Variants in ABCC9 observed in about 807,000 individuals in gnomAD.
The protein encoded by ABCC9 is ATP-binding cassette sub-family C member 9.
ABCC9 carries 95 observed loss-of-function variants against 188.3 expected under a neutral mutation model. The ratio of observed to expected loss-of-function variants is 0.50; its 90% CI spans 0.43 to 0.60. The LOEUF (loss-of-function observed/expected upper bound fraction) is 0.60. ABCC9 is among the 20% of genes least tolerant of loss of function. ABCC9 has a pLI of 0.00. For missense variants in ABCC9, 1,102 were observed against 1,876.3 expected (o/e 0.59, Z 7.62); for synonymous variants, 659 against 652.7 (o/e 1.01, Z -0.15).
chr12:21,911,352 A>T (rs1471276561), intron 8 of ABCC9, among the ~76,000 whole-genome samples: 1 of 151,988 alleles, frequency 6.6e-6, no homozygotes, highest in Non-Finnish European at 1.5e-5. Flanking sequence ...TGGAAGACAT[A>T]TACAATTTTG....
chr12:21,886,446 C>CT (rs1181313320), intron 15 of ABCC9, among the ~76,000 whole-genome samples: 6 of 151,990 alleles, frequency 3.9e-5, no homozygotes, highest in African/African-American at 9.7e-5. Context: ...ATTTGATCTC[C>CT]TTTTTTCACA....
rs773157891 is a variant in ABCC9 at position 21,806,076 on chromosome 12, AGT to A, written c.4450-18_4450-17del. 1.3e-5 allele frequency: 21 copies of A among 1,588,784 alleles called. No homozygotes were observed. The highest frequency in any genetic ancestry group is 2.2e-5 in the South Asian group (2 of 90,554). ...AAATATTCTCCTGCAAAAAAAAAAA[AGT>A]GTAAATTTTCTCGGGATTACTTTGT... On this transcript the variant is annotated splice_polypyrimidine_tract_variant and intron_variant, in intron 38 of 39. Coordinates refer to ENST00000261200, the MANE Select transcript of ABCC9 (RefSeq NM_020297.4).
chr12:21,921,006 A>T (rs959797515), intron 5 of ABCC9, among the ~76,000 whole-genome samples: 44 of 152,010 alleles, frequency 2.9e-4, no homozygotes, highest in Admixed American at 2.8e-3. Context: ...AATCTTAGCT[A>T]TTGTGAACAG....
intron 2 of ABCC9, chr12:21,937,903 C>G (rs1168050026): frequency 6.6e-6 from 1 of 152,168 alleles, no homozygotes; most frequent in Non-Finnish European, 1.5e-5. Flanking sequence ...TTCTTTAAAA[C>G]AAGTAGCAGT....
intron 39 of ABCC9, chr12:21,805,064 C>G: frequency 6.6e-7 from 1 of 1,516,932 alleles, no homozygotes; most frequent in Non-Finnish European, 9.1e-7. Flanking sequence ...AGTTAGTTCC[C>G]TCATCTCAGC....
intron 13 of ABCC9, 106 bp downstream of exon 13, chr12:21,895,169 T>C: frequency 1.0e-6 from 1 of 977,802 alleles, no homozygotes; most frequent in Non-Finnish European, 1.6e-6. Flanking sequence ...TAGAGAGAAG[T>C]CACAGAGGTG....
At chr12:21,821,780 A>G (rs1943050124) in intron 31 of ABCC9, among the ~76,000 whole-genome samples, 1 of 152,130 alleles carries the variant, frequency 6.6e-6, no homozygotes, top group South Asian at 2.1e-4. Context: ...AATTCTGGTA[A>G]CAGGTAGGTA....
intron 30 of ABCC9, among the ~76,000 whole-genome samples, chr12:21,836,534 A>C (rs925572578): frequency 2.0e-5 from 3 of 152,146 alleles, no homozygotes; most frequent in Non-Finnish European, 4.4e-5. Flanking sequence ...GTTATTCAAT[A>C]ATTATCTCCC....
In ABCC9 at chr12:21,910,838, A is replaced by G. The variant is rs1414162483; in HGVS notation, c.1152T>C (p.Arg384=). The G allele has an allele frequency of 6.2e-7, 1 of 1,612,050 alleles. No individual in the cohort carries two copies. Among genetic ancestry groups the G allele is most frequent in the Non-Finnish European group, 8.5e-7 (1 of 1,178,372 alleles). ...AGCCTTTACATACCAGCAGAGCTCC[A>G]CGGAGGTTAATGCCAGTCTCTATGG... The part of the protein sequence containing the change: ...YVTIETGINL[R]GALLAMIYNK... The change falls in exon 9 of 40, where the codon CGT becomes CGC. Residue 384 remains arginine (R), a synonymous_variant. Transcript: ENST00000261200.
intron 16 of ABCC9, among the ~76,000 whole-genome samples, chr12:21,881,290 A>G (rs1017310714): frequency 3.3e-5 from 5 of 152,216 alleles, no homozygotes; most frequent in Non-Finnish European, 7.3e-5. Context: ...TCAAAAATAT[A>G]TTATTACCAA....
rs1273751406 is a variant in ABCC9, at chr12:21,845,714, G to T, written c.2985C>A (p.Ile995=). The change falls in exon 26 of 40, where the codon ATC becomes ATA. Residue 995 remains isoleucine (I), a synonymous_variant. Transcript: ENST00000261200. The part of the protein sequence containing the change: ...YLTSGGFFLL[I]LMIFSKLLKH... ...TCAAAAGCTTAGAGAAAATCATCAG[G>T]ATGAGCAGGAAGAATCCTCCAGATG... The T allele has an allele frequency of 6.2e-7, 1 of 1,613,746 alleles. No homozygotes were observed. Among genetic ancestry groups the T allele is most frequent in the Non-Finnish European group, 8.5e-7 (1 of 1,179,840 alleles).
chr12:21,803,539 C>T (rs1941625208), intron 39 of ABCC9, among the ~76,000 whole-genome samples: 1 of 151,240 alleles, frequency 6.6e-6, no homozygotes, highest in Non-Finnish European at 1.5e-5. Flanking sequence ...CCTGCAACCC[C>T]AGCTACTCGG....
At position 21,936,618 on chromosome 12, in the gene ABCC9, T is replaced by C; in HGVS notation, c.57A>G (p.Val19=). ...CATCCACAAAGCAGGAATTTTGTAG[T>C]ACACCATCGTTGATATTATATGAAG... ...NISSYNINDG[V]LQNSCFVDAL... is the part of the protein sequence containing the mutation. The change falls in exon 3 of 40, where the codon GTA becomes GTG. Residue 19 remains valine (V), a synonymous_variant. Transcript: ENST00000261200. The C allele has an allele frequency of 6.2e-7, 1 of 1,611,502 alleles. No individual in the cohort carries two copies.
Position 21,913,054 on chromosome 12 carries a change from C to A in ABCC9, c.829G>T (p.Asp277Tyr). 1 of 1,595,468 alleles carries A rather than the reference C, an allele frequency of 6.3e-7. No individual in the cohort carries two copies. The highest frequency in any genetic ancestry group is 8.5e-7 in the Non-Finnish European group (1 of 1,174,490). The stretch of plus-strand genomic sequence containing the variant: ...ATAGATGGAGTCCGATTTGGATGAT[C>A]TGCAACTTTTTTCTGAAGAAAAAAA... The part of the protein sequence containing the change: ...AYEEQKKKVA[D>Y]HPNRTPSIWL... The change falls in exon 8 of 40, where the codon GAT becomes TAT. Residue 277 changes from aspartate to tyrosine, a missense_variant. Physicochemically the swap from Asp to Tyr is radical, Grantham distance 160. This residue lies in a region of ABCC9 where 305 missense variants were observed against 573.0 expected (regional missense o/e 0.53). Coordinates refer to ENST00000261200, the MANE Select transcript of ABCC9 (RefSeq NM_020297.4).
At chr12:21,849,699 A>G (rs753417720) in intron 24 of ABCC9, among the ~76,000 whole-genome samples, 1 of 152,222 alleles carries the variant, frequency 6.6e-6, no homozygotes, top group Non-Finnish European at 1.5e-5. Context: ...AATGTTTTAA[A>G]TAGTGATGAT....
chr12:21,827,866 C>T (rs1794783475), intron 31 of ABCC9, among the ~76,000 whole-genome samples: 1 of 152,132 alleles, frequency 6.6e-6, no homozygotes. Context: ...TCTCTGTAAA[C>T]CAGTGAGAAA....
At chr12:21,896,079 C>A (rs961115552) in intron 12 of ABCC9, among the ~76,000 whole-genome samples, 1 of 128,044 alleles carries the variant, frequency 7.8e-6, no homozygotes, top group African/African-American at 2.9e-5. Flanking sequence ...ATCTAATTTT[C>A]TTTTTTTTTT....
chr12:21,803,638 A>G (rs979084036), intron 39 of ABCC9, among the ~76,000 whole-genome samples: 3 of 149,272 alleles, frequency 2.0e-5, no homozygotes, highest in Non-Finnish European at 3.0e-5. Flanking sequence ...CTGGGCAACA[A>G]GAGTGAAACT....
intron 6 of ABCC9, 130 bp downstream of exon 6, chr12:21,916,807 T>C: frequency 1.3e-6 from 1 of 784,898 alleles, no homozygotes; most frequent in Admixed American, 2.8e-5. Context: ...TTAGTTCAAC[T>C]TTATATTTAT....
Sources: allele counts gnomAD v4.1 joint callset (sites outside exome capture counted in the v4.1 genomes callset), GRCh38; gene constraint gnomAD v4.1.1; regional missense constraint gnomAD v4.1.1; transcripts MANE v1.5; gene names NCBI Gene and HGNC (gene_info 2026-07-23, HGNC 2026-07-21).